ZNHIT6: variants seen among roughly 807,000 people sequenced by gnomAD.
ZNHIT6 encodes the protein zinc finger HIT-type containing 6.
In ZNHIT6, 45 loss-of-function variants were observed where a neutral mutation model predicts 57.2. The observed-to-expected ratio is 0.79, with a 90% CI of 0.62 to 1.01. ZNHIT6 has a LOEUF of 1.01. Ranked by LOEUF, ZNHIT6 falls within the 50% of genes least tolerant of loss-of-function variation. The probability of loss-of-function intolerance (pLI) is 0.00; values close to 1 mark genes in which losing one functional copy is unlikely to be tolerated. For missense variants in ZNHIT6, 528 were observed against 567.3 expected, an observed-to-expected ratio of 0.93 and a Z score of 0.70; for synonymous variants, 188 against 190.0, an observed-to-expected ratio of 0.99 and a Z score of 0.09.
chr1:85,702,829 T>C (rs1662574895), intron 4 of ZNHIT6, among the ~76,000 whole-genome samples: 1 of 152,220 alleles, frequency 6.6e-6, no homozygotes, highest in Non-Finnish European at 1.5e-5. Flanking sequence ...TGTTATTACA[T>C]TGACCACCTG....
chr1:85,664,221 A>G (rs1378425643), intron 8 of ZNHIT6, among the ~76,000 whole-genome samples: 1 of 152,120 alleles, frequency 6.6e-6, no homozygotes, highest in African/African-American at 2.4e-5. Context: ...ACATAATCCC[A>G]TATTTCTCAG....
intron 5 of ZNHIT6, among the ~76,000 whole-genome samples, chr1:85,701,427 T>C (rs977338637): frequency 4.6e-5 from 7 of 152,224 alleles, no homozygotes; most frequent in Admixed American, 1.3e-4. Flanking sequence ...TATTATCTGA[T>C]AATTTAGTTG....
At chr1:85,694,524 C>A (rs1429355544) in intron 5 of ZNHIT6, among the ~76,000 whole-genome samples, 3 of 151,682 alleles carry the variant, frequency 2.0e-5, no homozygotes, top group Non-Finnish European at 1.5e-5. Flanking sequence ...TGCAGTTGCA[C>A]AATCTTGGCT....
At chr1:85,667,961 A>ATATATAT (rs1394453372) in intron 8 of ZNHIT6, among the ~76,000 whole-genome samples, 5 of 18,200 alleles carry the variant, frequency 2.7e-4, no homozygotes, top group Non-Finnish European at 4.0e-4. Context: ...AAAAAAAAAA[A>ATATATAT]ATATATATAT....
chr1:85,655,993 T>C (rs1041328184), intron 9 of ZNHIT6, among the ~76,000 whole-genome samples: 3 of 152,154 alleles, frequency 2.0e-5, no homozygotes, highest in African/African-American at 4.8e-5. Flanking sequence ...ACTTGTACTA[T>C]AAACTCAGGA....
intron 5 of ZNHIT6, among the ~76,000 whole-genome samples, chr1:85,686,784 T>A (rs1662052115): frequency 6.6e-6 from 1 of 152,082 alleles, no homozygotes; most frequent in African/African-American, 2.4e-5. Flanking sequence ...GCAAGAAGGC[T>A]CAATATACTA....
intron 5 of ZNHIT6, among the ~76,000 whole-genome samples, chr1:85,697,362 C>A (rs1367895810): frequency 2.5e-5 from 1 of 40,684 alleles, no homozygotes; most frequent in Non-Finnish European, 6.9e-5. Flanking sequence ...TGTTTCTTCT[C>A]TTCAAATTAT....
Position 85,680,911 on chromosome 1 carries a change from G to A in ZNHIT6, c.1020-7C>T. ...CCAACAAAACTGTTGTTTTCTAAGAGAGAAAATAATCATGTGAGAATCAAG... is the reference window on the plus strand; with the variant it reads ...CCAACAAAACTGTTGTTTTCTAAGAAAGAAAATAATCATGTGAGAATCAAG... On this transcript the variant is annotated splice_region_variant and splice_polypyrimidine_tract_variant and intron_variant, in intron 5 of 9. Transcript: ENST00000370574. The A allele has an allele frequency of 1.2e-6, 2 of 1,607,620 alleles. No homozygotes were observed. Among genetic ancestry groups the A allele is most frequent in the Non-Finnish European group, 1.7e-6 (2 of 1,175,948 alleles).
chr1:85,671,720 C>T (rs867086627), intron 8 of ZNHIT6, among the ~76,000 whole-genome samples: 5 of 152,228 alleles, frequency 3.3e-5, no homozygotes, highest in Non-Finnish European at 7.4e-5. Flanking sequence ...TACAACGATG[C>T]AGTATCATTT....
chr1:85,675,741 A>G (rs1661683282), intron 8 of ZNHIT6, among the ~76,000 whole-genome samples: 1 of 152,214 alleles, frequency 6.6e-6, no homozygotes, highest in Non-Finnish European at 1.5e-5. Context: ...TGTTTAGTGT[A>G]GCCACCTTCA....
chr1:85,696,920 G>C (rs1324465172), intron 5 of ZNHIT6, among the ~76,000 whole-genome samples: 1 of 149,556 alleles, frequency 6.7e-6, no homozygotes, highest in Non-Finnish European at 1.5e-5. Context: ...GAGTGCAGTG[G>C]CGCAATCTCG....
chr1:85,656,364 A>G (rs758482734), intron 9 of ZNHIT6, among the ~76,000 whole-genome samples: 1 of 152,202 alleles, frequency 6.6e-6, no homozygotes, highest in Non-Finnish European at 1.5e-5. Context: ...TATATCCACC[A>G]GAAAAATAGC....
In ZNHIT6 at chr1:85,653,333, T is replaced by C. The variant is rs1570275860; in HGVS notation, c.*725A>G. ...AAAACTCCAAAGAAGAAAGGGCAAC[T>C]GATAGAAGATTAGTTCTCCTGTGGC... On this transcript the variant is annotated 3_prime_UTR_variant, in exon 10 of 10. Transcript: ENST00000370574. The C allele has an allele frequency of 6.6e-6, 1 of 152,202 alleles. No homozygotes were observed. Among genetic ancestry groups the C allele is most frequent in the African/African-American group, 2.4e-5 (1 of 41,454 alleles). 9.4% of individuals were successfully genotyped at this position (152,202 alleles called of 1,614,324 possible).
In ZNHIT6 at chr1:85,656,914, G is replaced by T. The variant is rs1390138112; in HGVS notation, c.1372+933C>A. 2.0e-5 allele frequency among the ~76,000 whole-genome samples: 3 copies of T among 152,192 alleles called. No individual in the cohort carries two copies. The East Asian group carries it at 5.8e-4, about 29-fold the overall frequency. On this transcript the variant is annotated intron_variant, in intron 9 of 9. Transcript: ENST00000370574. ...GTTACTGCATCTTACAGCCTGTAAT[G>T]CTGGTATAACAATAAAACTTAAACT...
At chr1:85,685,041 A>AG (rs1008076125) in intron 5 of ZNHIT6, among the ~76,000 whole-genome samples, 2 of 152,188 alleles carry the variant, frequency 1.3e-5, no homozygotes, top group African/African-American at 4.8e-5. Flanking sequence ...AGAAATACTA[A>AG]GGAAGTGTGG....
intron 8 of ZNHIT6, among the ~76,000 whole-genome samples, chr1:85,662,142 A>C (rs78027231): frequency 0.026 from 3,628 of 138,426 alleles, 159 homozygotes; most frequent in African/African-American, 0.091. Flanking sequence ...TTTATTAGCA[A>C]ATTAGTGTGC....
intron 6 of ZNHIT6, among the ~76,000 whole-genome samples, chr1:85,679,153 C>T (rs1328331937): frequency 1.3e-5 from 2 of 152,116 alleles, no homozygotes; most frequent in Admixed American, 1.3e-4. Flanking sequence ...GATTTCAGTG[C>T]ATGTTCAAAT....
Position 85,678,780 on chromosome 1 carries a change from C to CCTG in ZNHIT6, c.1089_1090insCAG (p.Arg363_Val364insGln). On this transcript the variant is annotated inframe_insertion and splice_region_variant, in exon 7 of 10. Transcript: ENST00000370574. ...TCATTAATAGTTTTATCATCTGGTACTCTTTACAACAAAGAAAAAAAAACA... is the reference window on the plus strand; with the variant it reads ...TCATTAATAGTTTTATCATCTGGTACCTGTCTTTACAACAAAGAAAAAAAAACA... 1 of 1,487,508 alleles carries CCTG rather than the reference C, an allele frequency of 6.7e-7. No homozygotes were observed. Among genetic ancestry groups the CCTG allele is most frequent in the East Asian group, 2.4e-5 (1 of 41,650 alleles). 92.1% of individuals were successfully genotyped at this position (1,487,508 alleles called of 1,614,324 possible). A position where few individuals can be genotyped will look rare whatever the true frequency, so the allele number is the denominator to read the frequency against.
rs138691136 is a variant in ZNHIT6, at chr1:85,676,165, C to T, written c.1247+1071G>A. Among the ~76,000 whole-genome samples, 1,418 of 151,906 alleles carry T rather than the reference C, an allele frequency of 9.3e-3. 57 individuals are homozygous for T. Among genetic ancestry groups the T allele is most frequent in the Admixed American group, 0.062 (953 of 15,268 alleles). ...CAGCCTGACCAACATGGAGAAACCC[C>T]GTCTCTACTAAAAATACAAAATTAG... On this transcript the variant is annotated intron_variant, in intron 8 of 9. Coordinates refer to ENST00000370574, the MANE Select transcript of ZNHIT6 (RefSeq NM_017953.4).
Sources: allele counts gnomAD v4.1 joint callset (sites outside exome capture counted in the v4.1 genomes callset), GRCh38; gene constraint gnomAD v4.1.1; transcripts MANE v1.5; gene names NCBI Gene and HGNC (gene_info 2026-07-23, HGNC 2026-07-21).